GABBR2: variants seen among roughly 807,000 people sequenced by gnomAD.
GABBR2 encodes gamma-aminobutyric acid type B receptor subunit 2, also known as G-protein coupled receptor 51.
GABBR2 carries 23 observed loss-of-function variants against 105.6 expected under a neutral mutation model. That is an observed-to-expected ratio of 0.22 (90% CI 0.16 to 0.31). The LOEUF (loss-of-function observed/expected upper bound fraction) is 0.31, where lower values mean the gene tolerates loss of function less well. Ranked by LOEUF, GABBR2 falls within the 10% of genes least tolerant of loss-of-function variation. GABBR2 has a pLI of 1.00. For missense variants in GABBR2, 734 were observed against 1,245.5 expected (o/e 0.59, Z 6.18); for synonymous variants, 478 against 499.7 (o/e 0.96, Z 0.58).
chr9:98,465,798 G>C (rs1461072303), intron 6 of GABBR2, among the ~76,000 whole-genome samples: 1 of 152,226 alleles, frequency 6.6e-6, no homozygotes, highest in East Asian at 1.9e-4. Flanking sequence ...ACAGAAGATG[G>C]TGTTTATTTA....
At chr9:98,316,681 A>T (rs748832041) in intron 13 of GABBR2, among the ~76,000 whole-genome samples, 12 of 152,172 alleles carry the variant, frequency 7.9e-5, no homozygotes, top group Admixed American at 7.9e-4. Context: ...GAGAGGGCTG[A>T]CTTCACCAGA....
At chr9:98,684,203 T>TG (rs1417249279) in intron 1 of GABBR2, among the ~76,000 whole-genome samples, 221 of 53,170 alleles carry the variant, frequency 4.2e-3, no homozygotes, top group African/African-American at 0.014. Flanking sequence ...AAATTGGTTG[T>TG]GGGGGGTGGG....
At chr9:98,684,352 A>G (rs1217065340) in intron 1 of GABBR2, among the ~76,000 whole-genome samples, 1 of 152,082 alleles carries the variant, frequency 6.6e-6, no homozygotes, top group Non-Finnish European at 1.5e-5. Context: ...CATTTTCCAA[A>G]TTTTCTACAA....
At chr9:98,683,282 C>G (rs1346533732) in intron 1 of GABBR2, among the ~76,000 whole-genome samples, 2 of 152,152 alleles carry the variant, frequency 1.3e-5, no homozygotes, top group Non-Finnish European at 2.9e-5. Context: ...TTAGTAGAGA[C>G]CGGGTTTCAC....
chr9:98,501,788 C>A (rs540347752), intron 3 of GABBR2, among the ~76,000 whole-genome samples: 45 of 152,314 alleles, frequency 3.0e-4, no homozygotes, highest in Non-Finnish European at 6.3e-4. Flanking sequence ...TATTTCAACT[C>A]AGACTTCAAG....
intron 1 of GABBR2, among the ~76,000 whole-genome samples, chr9:98,678,447 C>A (rs1291282365): frequency 6.6e-6 from 1 of 152,194 alleles, no homozygotes; most frequent in Non-Finnish European, 1.5e-5. Flanking sequence ...GGAAAGCCTG[C>A]CCCTGCTGGC....
intron 1 of GABBR2, among the ~76,000 whole-genome samples, chr9:98,668,291 A>C (rs915996463): frequency 2.0e-5 from 3 of 152,192 alleles, no homozygotes; most frequent in Non-Finnish European, 4.4e-5. Context: ...TCTGTATTCA[A>C]ATTTACCAGT....
chr9:98,686,747 C>T (rs990902822), intron 1 of GABBR2, among the ~76,000 whole-genome samples: 4 of 152,160 alleles, frequency 2.6e-5, no homozygotes, highest in Admixed American at 6.5e-5. Context: ...TTTTCTTTAA[C>T]AGCCACAAAC....
intron 7 of GABBR2, among the ~76,000 whole-genome samples, chr9:98,449,799 C>T (rs900164524): frequency 6.6e-6 from 1 of 152,158 alleles, no homozygotes; most frequent in South Asian, 2.1e-4. Flanking sequence ...GGAGGGGAAG[C>T]ATCCTGAGAC....
chr9:98,323,902 G>A (rs887998360), intron 13 of GABBR2, among the ~76,000 whole-genome samples: 11 of 152,206 alleles, frequency 7.2e-5, no homozygotes, highest in Non-Finnish European at 1.5e-4. Context: ...TCTGTACCAC[G>A]TGGGATCCCG....
intron 2 of GABBR2, among the ~76,000 whole-genome samples, chr9:98,576,755 T>C (rs1286903015): frequency 6.6e-6 from 1 of 152,196 alleles, no homozygotes; most frequent in East Asian, 1.9e-4. Flanking sequence ...TTAATAATAT[T>C]ATTATTTAAT....
intron 4 of GABBR2, among the ~76,000 whole-genome samples, chr9:98,485,851 C>T (rs573807175): frequency 6.6e-6 from 1 of 152,198 alleles, no homozygotes; most frequent in Non-Finnish European, 1.5e-5. Flanking sequence ...CTCTGGAGAA[C>T]TGCCCTCAGC....
chr9:98,498,853 G>A (rs550265378), intron 3 of GABBR2, among the ~76,000 whole-genome samples: 1 of 152,344 alleles, frequency 6.6e-6, no homozygotes, highest in South Asian at 2.1e-4. Context: ...TGAGTTTTGA[G>A]CAGCACGAGG....
chr9:98,708,673 C>T lies in GABBR2; in HGVS notation c.65G>A (p.Arg22His). 1 of 1,163,716 alleles carries T rather than the reference C, an allele frequency of 8.6e-7. No individual in the cohort carries two copies. Among genetic ancestry groups the T allele is most frequent in the Non-Finnish European group, 1.1e-6 (1 of 944,658 alleles). 72.1% of individuals were successfully genotyped at this position (1,163,716 alleles called of 1,614,324 possible). ...CGGCAGCAGCAGTAGCAGTAGCAGG[C>T]GCGCGGGCGGCGGTGGCGGCGGCGG... Reference protein sequence around the residue: ...PPPPPPPPPARLLLLLLLPLL... With the variant: ...PPPPPPPPPAHLLLLLLLPLL... Residue 22 changes from arginine to histidine, a missense_variant, in exon 1 of 19, where the codon CGC becomes CAC. Arg to His is a conservative substitution (Grantham distance 29). Coordinates refer to ENST00000259455, the MANE Select transcript of GABBR2 (RefSeq NM_005458.8).
At chr9:98,472,601 C>G (rs529621436) in intron 6 of GABBR2, among the ~76,000 whole-genome samples, 1 of 152,306 alleles carries the variant, frequency 6.6e-6, no homozygotes, top group East Asian at 1.9e-4. Context: ...AAGATCACAA[C>G]AGTATGCTGA....
At chr9:98,653,383 T>C (rs1028572214) in intron 1 of GABBR2, among the ~76,000 whole-genome samples, 3 of 152,168 alleles carry the variant, frequency 2.0e-5, no homozygotes, top group African/African-American at 7.2e-5. Context: ...TTAGTCTTCT[T>C]TACCCATAAA....
At chr9:98,660,532 T>G (rs960568170) in intron 1 of GABBR2, among the ~76,000 whole-genome samples, 18 of 152,254 alleles carry the variant, frequency 1.2e-4, no homozygotes, top group African/African-American at 4.3e-4. Context: ...TTGGTGAGTT[T>G]CCTACGGAGT....
chr9:98,471,054 T>C (rs1826662781), intron 6 of GABBR2, among the ~76,000 whole-genome samples: 1 of 152,150 alleles, frequency 6.6e-6, no homozygotes, highest in Non-Finnish European at 1.5e-5. Flanking sequence ...AGAGAATTCC[T>C]TTGCTACTGG....
At chr9:98,655,183 C>T (rs1401206075) in intron 1 of GABBR2, among the ~76,000 whole-genome samples, 1 of 152,164 alleles carries the variant, frequency 6.6e-6, no homozygotes. Flanking sequence ...TCCAAACCCA[C>T]AGAATGTACA....
Sources: gnomAD v4.1 joint callset for allele counts (sites outside exome capture counted in the v4.1 genomes callset) on GRCh38, gnomAD v4.1.1 for gene constraint, MANE v1.5 for transcripts, NCBI Gene and HGNC (gene_info 2026-07-23, HGNC 2026-07-21) for gene names.